ITIH5: variants seen among roughly 807,000 people sequenced by gnomAD.
ITIH5 encodes inter-alpha-trypsin inhibitor heavy chain 5, also known as inter-alpha-trypsin inhibitor heavy chain H5.
ITIH5 carries 65 observed loss-of-function variants against 77.5 expected under a neutral mutation model. The observed-to-expected ratio is 0.84, with a 90% confidence interval of 0.69 to 1.03. ITIH5 has a LOEUF of 1.03. Among genes scored for constraint, ITIH5 ranks in the 50% least tolerant of loss-of-function variants. The pLI is 0.00. For missense variants in ITIH5, 1,208 were observed against 1,213.1 expected, an observed-to-expected ratio of 1.00 and a Z score of 0.06; for synonymous variants, 525 against 494.3, an observed-to-expected ratio of 1.06 and a Z score of -0.82.
chr10:7,601,505 A>G (rs1833014762), intron 7 of ITIH5, among the ~76,000 whole-genome samples: 1 of 152,152 alleles, frequency 6.6e-6, no homozygotes, highest in Non-Finnish European at 1.5e-5. Context: ...TCTCTCTCTC[A>G]ATGACACAAG....
chr10:7,581,958 C>T lies in ITIH5; in HGVS notation c.1109-1894G>A, dbSNP rs189128613. Among the ~76,000 whole-genome samples, 401 of 149,398 alleles carry T rather than the reference C, an allele frequency of 2.7e-3. 3 individuals are homozygous for T. Among genetic ancestry groups the T allele is most frequent in the Non-Finnish European group, 3.4e-3 (233 of 67,682 alleles). On this transcript the variant is annotated intron_variant, in intron 8 of 13. Transcript: ENST00000397146. Reference sequence around the variant, plus strand: ...TGGCGTGATCTTGGCTCACTGCAACCTCTGCCTCCTGTGTTCAAGCAATTC... The same window carrying T: ...TGGCGTGATCTTGGCTCACTGCAACTTCTGCCTCCTGTGTTCAAGCAATTC...
chr10:7,648,079 TAAA>T (rs34969787), intron 2 of ITIH5, among the ~76,000 whole-genome samples: 4 of 143,730 alleles, frequency 2.8e-5, no homozygotes, highest in Admixed American at 7.0e-5. Flanking sequence ...CTGTCTCTAC[TAAA>T]AAAAAAAAAA....
At chr10:7,637,550 AG>A (rs1312625183) in intron 4 of ITIH5, 72 bp from the exon 5 acceptor site, 4 of 1,497,946 alleles carry the variant, frequency 2.7e-6, no homozygotes, top group Non-Finnish European at 3.6e-6. Flanking sequence ...CAGTCCCCAC[AG>A]GGCACCAGCC....
rs982158543 is a variant in ITIH5 at position 7,563,536 on chromosome 10, G to T, written c.2528-152C>A. ...GTGACATGGAAGAACATGTGCTCTG[G>T]GGGGCAGGGTGGAGAGAGCTGAGGA... is the stretch of plus-strand genomic sequence containing the variant. On this transcript the variant is annotated intron_variant, in intron 13 of 13. Transcript: ENST00000397146. 9 of 686,660 alleles carry T rather than the reference G, an allele frequency of 1.3e-5. No homozygotes were observed. In the Middle Eastern group the frequency reaches 8.7e-4, roughly 66 times the overall value. The allele number at this position is 686,660 out of a possible 1,614,324, so 42.5% of individuals were successfully genotyped here.
chr10:7,579,968 A>C lies in ITIH5; in HGVS notation c.1205T>G (p.Val402Gly). The change falls in exon 9 of 14, where the codon GTC becomes GGC. Residue 402 changes from valine (V) to glycine (G), a missense_variant. By Grantham distance (109) the Val-to-Gly change is moderately radical. Transcript: ENST00000397146. ...GIGDRSVSLI[V>G]FLTDGKPTVG... Reference sequence around the variant, plus strand: ...CGTGGGCTTCCCATCCGTCAGGAAGACGATGAGGGACACGCTCCGGTCTCC... The same window carrying C: ...CGTGGGCTTCCCATCCGTCAGGAAGCCGATGAGGGACACGCTCCGGTCTCC... The C allele has an allele frequency of 6.2e-7, 1 of 1,614,190 alleles. No individual in the cohort carries two copies. Among genetic ancestry groups the C allele is most frequent in the Non-Finnish European group, 8.5e-7 (1 of 1,180,038 alleles).
intron 2 of ITIH5, among the ~76,000 whole-genome samples, chr10:7,648,329 A>T (rs1000059143): frequency 1.3e-5 from 2 of 152,190 alleles, no homozygotes; most frequent in African/African-American, 4.8e-5. Context: ...TAAAATATAG[A>T]ACTCCAAAGG....
At position 7,566,337 on chromosome 10, in the gene ITIH5, G is replaced by A. The variant is rs942431845; in HGVS notation, c.2220C>T (p.Tyr740=). ...PPNGHKKQRT[Y]LRTITILINK... ...TGATGAGGATGGTGATAGTGCGCAA[G>A]TAAGTGCGCTGTTTCTTGTGGCCAT... The change falls in exon 13 of 14, where the codon TAC becomes TAT. Residue 740 remains tyrosine (Y), a synonymous_variant. Transcript: ENST00000397146. 6 of 1,611,812 alleles carry A rather than the reference G, an allele frequency of 3.7e-6. No individual in the cohort carries two copies. Among genetic ancestry groups the A allele is most frequent in the Non-Finnish European group, 4.2e-6 (5 of 1,178,156 alleles).
intron 2 of ITIH5, among the ~76,000 whole-genome samples, chr10:7,650,902 G>A (rs1269385805): frequency 1.3e-5 from 2 of 152,086 alleles, no homozygotes; most frequent in East Asian, 1.9e-4. Flanking sequence ...AGTCTACGTA[G>A]TGATGTTTCA....
chr10:7,584,134 T>C (rs909052795), intron 8 of ITIH5, among the ~76,000 whole-genome samples: 2 of 152,136 alleles, frequency 1.3e-5, no homozygotes, highest in African/African-American at 4.8e-5. Flanking sequence ...TCCAAATCCA[T>C]GCTCACAATC....
chr10:7,664,537 A>C (rs1383758175), intron 1 of ITIH5, among the ~76,000 whole-genome samples: 2 of 152,212 alleles, frequency 1.3e-5, no homozygotes, highest in Non-Finnish European at 2.9e-5. Flanking sequence ...ACCCCAAGTG[A>C]CTTTTTCCAC....
At chr10:7,596,176 C>T (rs563347570) in intron 7 of ITIH5, among the ~76,000 whole-genome samples, 2 of 152,316 alleles carry the variant, frequency 1.3e-5, no homozygotes, top group South Asian at 4.2e-4. Context: ...CTGCATGAAG[C>T]TGCACTGGAA....
At chr10:7,655,510 G>C in intron 2 of ITIH5, 121 bp downstream of exon 2, 1 of 762,276 alleles carries the variant, frequency 1.3e-6, no homozygotes, top group Non-Finnish European at 2.2e-6. Flanking sequence ...TTTCATCTCA[G>C]AATTTTTCTA....
At chr10:7,644,898 C>CAT (rs1341532687) in intron 2 of ITIH5, among the ~76,000 whole-genome samples, 2 of 43,184 alleles carry the variant, frequency 4.6e-5, no homozygotes, top group Non-Finnish European at 9.1e-5. Flanking sequence ...ATATATATAT[C>CAT]ACATATATAT....
rs532027389 is a variant in ITIH5 at position 7,561,412 on chromosome 10, T to A, written c.*1671A>T. ...GAGCCTGGCCAGCTCCCTGGCTACC[T>A]CTAGCTGCCGCTCCCTTTCTCTGAG... On this transcript the variant is annotated 3_prime_UTR_variant, in exon 14 of 14. Transcript: ENST00000397146. 9.2e-5 allele frequency: 14 copies of A among 152,406 alleles called. No homozygotes were observed. Among genetic ancestry groups the A allele is most frequent in the African/African-American group, 3.4e-4 (14 of 41,576 alleles). The allele number at this position is 152,406 out of a possible 1,614,324, so 9.4% of individuals were successfully genotyped here. A position where few individuals can be genotyped will look rare whatever the true frequency, so the allele number is the denominator to read the frequency against.
At chr10:7,619,879 A>T (rs984961423) in intron 5 of ITIH5, 1 of 153,764 alleles carries the variant, frequency 6.5e-6, no homozygotes, top group African/African-American at 2.4e-5. Flanking sequence ...CCTTAACTAT[A>T]TAAAATAGAA....
chr10:7,637,107 T>G (rs1015249939), intron 5 of ITIH5, 121 bp downstream of exon 5: 1 of 1,271,056 alleles, frequency 7.9e-7, no homozygotes, highest in Admixed American at 2.2e-5. Flanking sequence ...TTCCAGTTCC[T>G]ACAAAAATGC....
intron 1 of ITIH5, 79 bp downstream of exon 1, chr10:7,666,724 G>A: frequency 5.9e-6 from 7 of 1,196,474 alleles, no homozygotes; most frequent in Middle Eastern, 2.6e-4. Flanking sequence ...AGGGGGCCCG[G>A]GCAGAAGCTC....
chr10:7,646,649 T>A (rs983132969), intron 2 of ITIH5, among the ~76,000 whole-genome samples: 1 of 152,198 alleles, frequency 6.6e-6, no homozygotes, highest in African/African-American at 2.4e-5. Flanking sequence ...TGGCTGAAGC[T>A]GGAATTGTGA....
intron 10 of ITIH5, 72 bp from the exon 11 acceptor site, chr10:7,573,267 G>A: frequency 1.6e-6 from 2 of 1,263,124 alleles, no homozygotes; most frequent in Non-Finnish European, 2.3e-6. Flanking sequence ...CAAAGGGAGA[G>A]AGGAGACATG....
Sources: allele counts gnomAD v4.1 joint callset (sites outside exome capture counted in the v4.1 genomes callset), GRCh38; gene constraint gnomAD v4.1.1; transcripts MANE v1.5; gene names NCBI Gene and HGNC (gene_info 2026-07-23, HGNC 2026-07-21).